SP110: variants seen among roughly 807,000 people sequenced by gnomAD.
SP110 encodes the protein interferon-induced protein 41, 30kD.
SP110 carries 62 observed loss-of-function variants against 92.7 expected under a neutral mutation model. That is an observed-to-expected ratio of 0.67 (90% CI 0.55 to 0.83). The LOEUF (loss-of-function observed/expected upper bound fraction) is 0.83. SP110 is among the 40% of genes least tolerant of loss of function. SP110 has a pLI of 0.00. For missense variants in SP110, 793 were observed against 863.9 expected (o/e 0.92, Z 1.03); for synonymous variants, 273 against 305.3 (o/e 0.89, Z 1.10).
intron 10 of SP110, among the ~76,000 whole-genome samples, chr2:230,192,409 C>T (rs1362913087): frequency 2.0e-5 from 3 of 152,178 alleles, no homozygotes; most frequent in Non-Finnish European, 2.9e-5. Flanking sequence ...CCAAAAACTT[C>T]TCGAACTGAT....
At chr2:230,197,689 A>C (rs559709317) in intron 10 of SP110, among the ~76,000 whole-genome samples, 43 of 152,202 alleles carry the variant, frequency 2.8e-4, no homozygotes, top group Admixed American at 2.0e-4. Context: ...CTAACATGTA[A>C]GTCTTTAATC....
Position 230,166,465 on chromosome 2 carries a change from A to G in SP110, c.*2659T>C, listed in dbSNP as rs551671098. Among the ~76,000 whole-genome samples the G allele has an allele frequency of 2.0e-5, 3 of 152,358 alleles. No homozygotes were observed. In the East Asian group the frequency reaches 5.8e-4, roughly 29 times the overall value. ...GGATAACCGTAAATCTGACTATGAC[A>G]GTGTGTAAAAACTATAGAGCAATCT... On this transcript the variant is annotated 3_prime_UTR_variant, in exon 19 of 19. Coordinates refer to ENST00000258381, the MANE Select transcript of SP110 (RefSeq NM_080424.4).
intron 5 of SP110, among the ~76,000 whole-genome samples, chr2:230,212,022 T>C (rs2044538081): frequency 6.6e-6 from 1 of 152,230 alleles, no homozygotes; most frequent in Admixed American, 6.5e-5. Flanking sequence ...CTAGTAATTT[T>C]GATAACATTG....
chr2:230,195,433 C>T (rs1307057335), intron 10 of SP110, among the ~76,000 whole-genome samples: 2 of 152,100 alleles, frequency 1.3e-5, no homozygotes, highest in Non-Finnish European at 2.9e-5. Context: ...ATCCTGGGTC[C>T]AAGTGATTAT....
Position 230,172,181 on chromosome 2 carries a change from G to A in SP110, c.1707-7C>T, listed in dbSNP as rs1313517511. On this transcript the variant is annotated splice_region_variant and splice_polypyrimidine_tract_variant and intron_variant, in intron 15 of 18. Transcript: ENST00000258381. ...GGTGCAACTCCACAGCATCCTGAGA[G>A]GTTGGACACAAGGTGAGCAGAGGGC... 1 of 1,570,752 alleles carries A rather than the reference G, an allele frequency of 6.4e-7. No individual in the cohort carries two copies.
intron 18 of SP110, among the ~76,000 whole-genome samples, chr2:230,169,545 A>T (rs1477379906): frequency 1.3e-5 from 2 of 151,960 alleles, no homozygotes; most frequent in Non-Finnish European, 2.9e-5. Flanking sequence ...CTGGTCTCAA[A>T]CTCCTGGCCT....
rs1303162552 is a variant in SP110, at chr2:230,200,993, C to A, written c.1049-28G>T. 4.5e-6 allele frequency: 7 copies of A among 1,555,348 alleles called. No individual in the cohort carries two copies. In the Admixed American group the frequency reaches 1.0e-4, roughly 22 times the overall value. On this transcript the variant is annotated intron_variant, in intron 9 of 18. Coordinates refer to ENST00000258381, the MANE Select transcript of SP110 (RefSeq NM_080424.4). Reference sequence around the variant, plus strand: ...GGAAAATGAAAGATCTTAGTAAATGCCCCTTGGGAAACACCATGGAGAATC... The same window carrying A: ...GGAAAATGAAAGATCTTAGTAAATGACCCTTGGGAAACACCATGGAGAATC...
chr2:230,215,601 G>A (rs535986258), intron 2 of SP110, among the ~76,000 whole-genome samples: 23 of 152,332 alleles, frequency 1.5e-4, no homozygotes, highest in African/African-American at 5.3e-4. Context: ...CCACAGAGAA[G>A]TCACCCTGAG....
At chr2:230,176,633 T>A in intron 14 of SP110, 1 of 1,614,048 alleles carries the variant, frequency 6.2e-7, no homozygotes, top group Non-Finnish European at 8.5e-7. Flanking sequence ...AGGGAAAGTC[T>A]GCAACATGGT....
chr2:230,182,824 C>T (rs912218729), intron 12 of SP110, among the ~76,000 whole-genome samples: 12 of 152,268 alleles, frequency 7.9e-5, no homozygotes, highest in Middle Eastern at 6.8e-3. Context: ...GCCTACGATG[C>T]GACAGGGGCT....
intron 10 of SP110, among the ~76,000 whole-genome samples, chr2:230,195,571 C>T (rs185690356): frequency 0.016 from 2,419 of 152,168 alleles, 31 homozygotes; most frequent in Non-Finnish European, 0.022. Context: ...CTCAAGTGAA[C>T]CTCCTGCCTC....
chr2:230,216,375 T>G (rs766820543), intron 2 of SP110, among the ~76,000 whole-genome samples: 8 of 152,070 alleles, frequency 5.3e-5, no homozygotes, highest in Non-Finnish European at 1.0e-4. Context: ...TGAAAACATA[T>G]CAGAGTGATG....
In SP110 at chr2:230,211,401, C is replaced by T. The variant is rs1278986080; in HGVS notation, c.751+69G>A. 15 of 1,005,454 alleles carry T rather than the reference C, an allele frequency of 1.5e-5. No homozygotes were observed. Among genetic ancestry groups the T allele is most frequent in the East Asian group, 1.4e-4 (6 of 42,070 alleles). 62.3% of individuals were successfully genotyped at this position (1,005,454 alleles called of 1,614,324 possible). A position where few individuals can be genotyped will look rare whatever the true frequency, so the allele number is the denominator to read the frequency against. On this transcript the variant is annotated intron_variant, in intron 6 of 18. Transcript: ENST00000258381. The surrounding 1 kb of genome is among the most constrained non-coding windows in gnomAD (Gnocchi z 4.2). ...AGGAGAGCCCCCTCTCTAGAAGATC[C>T]GAATGGCTTTTCCTCTTAGTAAACA...
At chr2:230,170,565 C>T in intron 18 of SP110, 56 bp downstream of exon 18, 1 of 1,607,180 alleles carries the variant, frequency 6.2e-7, no homozygotes, top group Admixed American at 1.7e-5. Flanking sequence ...TCTGCTGTCC[C>T]AGAAATTAGG....
chr2:230,190,674 GT>G (rs59233533), intron 10 of SP110, among the ~76,000 whole-genome samples: 116,157 of 151,996 alleles, frequency 0.76, 44,505 homozygotes, highest in Admixed American at 0.83. Context: ...TTCTTCTAGG[GT>G]TTTTATGGTT....
chr2:230,185,165 C>T (rs1314947080), intron 11 of SP110, among the ~76,000 whole-genome samples: 1 of 152,240 alleles, frequency 6.6e-6, no homozygotes, highest in African/African-American at 2.4e-5. Flanking sequence ...ACAGAGCAGC[C>T]TCTGTCTAGA....
intron 12 of SP110, among the ~76,000 whole-genome samples, chr2:230,179,462 G>A (rs937249880): frequency 4.7e-5 from 7 of 148,774 alleles, no homozygotes; most frequent in Admixed American, 1.3e-4. Context: ...AGATGAGAGC[G>A]TGGCCTTGGG....
chr2:230,199,908 C>A (rs1201363594), intron 10 of SP110, among the ~76,000 whole-genome samples: 1 of 152,140 alleles, frequency 6.6e-6, no homozygotes, highest in Non-Finnish European at 1.5e-5. Context: ...TTCCTGGGGA[C>A]CAGGTTGTTA....
In SP110 at chr2:230,202,735, CA is replaced by C. The variant is rs1484986323; in HGVS notation, c.899-8del. 2 of 1,613,890 alleles carry C rather than the reference CA, an allele frequency of 1.2e-6. No individual in the cohort carries two copies. Among genetic ancestry groups the C allele is most frequent in the East Asian group, 4.5e-5 (2 of 44,894 alleles). ...TGTCTAGATGAGGCTGTCCCTGGAC[CA>C]AATAATGACTTGTTAATAGTTTAAA... On this transcript the variant is annotated splice_polypyrimidine_tract_variant and splice_region_variant and intron_variant, in intron 8 of 18. Transcript: ENST00000258381.
Sources: allele counts gnomAD v4.1 joint callset (sites outside exome capture counted in the v4.1 genomes callset), GRCh38; gene constraint gnomAD v4.1.1; non-coding constraint Gnocchi (gnomAD v3.1); transcripts MANE v1.5; gene names NCBI Gene and HGNC (gene_info 2026-07-23, HGNC 2026-07-21).